ADAMTS16: variants seen among roughly 807,000 people sequenced by gnomAD.
ADAMTS16 encodes the protein ADAM metallopeptidase with thrombospondin type 1 motif 16.
ADAMTS16 carries 94 observed loss-of-function variants against 145.8 expected under a neutral mutation model. The observed-to-expected ratio is 0.64, with a 90% CI of 0.55 to 0.77. The LOEUF (loss-of-function observed/expected upper bound fraction) is 0.77, where lower values mean the gene tolerates loss of function less well. Ranked by LOEUF, ADAMTS16 falls within the 30% of genes least tolerant of loss-of-function variation. ADAMTS16 has a pLI of 0.00. For synonymous variants in ADAMTS16, 659 were observed against 604.3 expected (o/e 1.09, Z -1.33); for missense variants, 1,585 against 1,591.5 (o/e 1.00, Z 0.07).
At chr5:5,276,104 C>CTG (rs375971724) in intron 18 of ADAMTS16, among the ~76,000 whole-genome samples, 3 of 151,506 alleles carry the variant, frequency 2.0e-5, no homozygotes, top group African/African-American at 7.2e-5. Flanking sequence ...GGTGATCCAC[C>CTG]CATCTTGGCC....
At chr5:5,289,323 T>G (rs986739098) in intron 18 of ADAMTS16, among the ~76,000 whole-genome samples, 1 of 152,248 alleles carries the variant, frequency 6.6e-6, no homozygotes, top group Non-Finnish European at 1.5e-5. Context: ...TTTGCTTTCT[T>G]ACTTACTGCA....
intron 11 of ADAMTS16, 70 bp from the exon 12 acceptor site, chr5:5,232,298 G>A: frequency 6.3e-7 from 1 of 1,588,168 alleles, no homozygotes; most frequent in Non-Finnish European, 8.6e-7. Flanking sequence ...CAGCCTTATA[G>A]CAGTGATGAG....
chr5:5,250,200 C>T (rs1206448508), intron 17 of ADAMTS16, among the ~76,000 whole-genome samples: 2 of 152,098 alleles, frequency 1.3e-5, no homozygotes, highest in Non-Finnish European at 2.9e-5. Context: ...GTGGAGCCCT[C>T]ACCAGGAACC....
At chr5:5,250,025 CT>C in intron 17 of ADAMTS16, among the ~76,000 whole-genome samples, 1 of 152,326 alleles carries the variant, frequency 6.6e-6, no homozygotes. Flanking sequence ...CTTTTCTCCT[CT>C]CGATGTTCAC....
At chr5:5,318,021 C>T in intron 21 of ADAMTS16, 113 bp from the exon 22 acceptor site, 14 of 1,190,342 alleles carry the variant, frequency 1.2e-5, no homozygotes, top group Non-Finnish European at 1.5e-5. Context: ...GACTAAGTCG[C>T]TCTTCCCTCA....
Position 5,200,227 on chromosome 5 carries a change from C to G in ADAMTS16, c.1409C>G (p.Ser470Cys), listed in dbSNP as rs766351634. The stretch of plus-strand genomic sequence containing the variant: ...TTGGCAGGACGCAATGGAGTCTTCT[C>G]CTGGTCACCCTGCAGCCGCCAGTAT... ...PTLAGRNGVFSWSPCSRQYLH... is the reference protein window; with the variant it reads ...PTLAGRNGVFCWSPCSRQYLH... The change falls in exon 9 of 23, where the codon TCC (serine) becomes TGC (cysteine). Residue 470 changes from serine to cysteine, a missense_variant. Ser to Cys is a moderately radical substitution (Grantham distance 112). Coordinates refer to ENST00000274181, the MANE Select transcript of ADAMTS16 (RefSeq NM_139056.4). The G allele has an allele frequency of 6.2e-7, 1 of 1,613,260 alleles. No homozygotes were observed. Among genetic ancestry groups the G allele is most frequent in the East Asian group, 2.2e-5 (1 of 44,800 alleles).
chr5:5,231,291 T>C (rs1400375547), intron 11 of ADAMTS16, among the ~76,000 whole-genome samples: 2 of 152,250 alleles, frequency 1.3e-5, no homozygotes, highest in African/African-American at 4.8e-5. Flanking sequence ...AATGGAATTG[T>C]TCTTACTTAA....
At chr5:5,300,847 T>A (rs997245210) in intron 18 of ADAMTS16, among the ~76,000 whole-genome samples, 1 of 152,138 alleles carries the variant, frequency 6.6e-6, no homozygotes, top group Non-Finnish European at 1.5e-5. Context: ...TGTTCAGAAA[T>A]CACGTCCAGC....
intron 3 of ADAMTS16, among the ~76,000 whole-genome samples, chr5:5,155,272 G>C (rs1734572065): frequency 6.6e-6 from 1 of 151,942 alleles, no homozygotes; most frequent in African/African-American, 2.4e-5. Context: ...GGGCTTCCTT[G>C]GCCCACCCAT....
chr5:5,156,976 T>A (rs1734620917), intron 3 of ADAMTS16, among the ~76,000 whole-genome samples: 1 of 152,198 alleles, frequency 6.6e-6, no homozygotes, highest in Non-Finnish European at 1.5e-5. Flanking sequence ...TTGCACTTGC[T>A]CTCCTGTTGA....
intron 17 of ADAMTS16, among the ~76,000 whole-genome samples, chr5:5,251,948 T>C (rs919047685): frequency 2.0e-5 from 3 of 152,024 alleles, no homozygotes; most frequent in African/African-American, 7.2e-5. Context: ...CCTCCCGGGT[T>C]CCCGCCATTC....
chr5:5,192,567 C>G (rs543417865), intron 8 of ADAMTS16, among the ~76,000 whole-genome samples: 1 of 152,228 alleles, frequency 6.6e-6, no homozygotes, highest in Admixed American at 6.5e-5. Flanking sequence ...ACTGATTTGC[C>G]TCCCTTATTC....
At chr5:5,263,881 T>C (rs773324819) in intron 18 of ADAMTS16, among the ~76,000 whole-genome samples, 3 of 152,236 alleles carry the variant, frequency 2.0e-5, no homozygotes, top group Non-Finnish European at 4.4e-5. Flanking sequence ...CGAGCTCTTG[T>C]CCACCATCCA....
At chr5:5,217,362 A>G (rs1259272575) in intron 10 of ADAMTS16, among the ~76,000 whole-genome samples, 2 of 152,216 alleles carry the variant, frequency 1.3e-5, no homozygotes, top group Non-Finnish European at 2.9e-5. Context: ...GGATCTAATT[A>G]AACTAAAGAG....
chr5:5,305,306 A>ACT (rs1740060469), intron 20 of ADAMTS16, among the ~76,000 whole-genome samples: 1 of 37,922 alleles, frequency 2.6e-5, no homozygotes, highest in Non-Finnish European at 5.2e-5. Flanking sequence ...ACACACACAC[A>ACT]TCCCACACCA....
Position 5,247,423 on chromosome 5 carries a change from A to C in ADAMTS16, c.2662+5232A>C, listed in dbSNP as rs534447609. On this transcript the variant is annotated intron_variant, in intron 17 of 22. Coordinates refer to ENST00000274181, the MANE Select transcript of ADAMTS16 (RefSeq NM_139056.4). The stretch of plus-strand genomic sequence containing the variant: ...AGAAAAACAAAGGTTTGTTTCCCAG[A>C]GAGTGGGGTGTATTCCTCAGGGGCC... 2.0e-5 allele frequency among the ~76,000 whole-genome samples: 3 copies of C among 152,244 alleles called. No individual in the cohort carries two copies. The East Asian group carries it at 5.8e-4, about 29-fold the overall frequency.
intron 2 of ADAMTS16, among the ~76,000 whole-genome samples, chr5:5,141,108 T>G (rs940262392): frequency 6.6e-6 from 1 of 152,188 alleles, no homozygotes; most frequent in African/African-American, 2.4e-5. Flanking sequence ...CAAATTACTT[T>G]CTTTTCCGTC....
chr5:5,182,414 A>G (rs1735367706), intron 4 of ADAMTS16, 109 bp downstream of exon 4: 4 of 1,410,592 alleles, frequency 2.8e-6, no homozygotes, highest in Admixed American at 2.4e-5. Flanking sequence ...GGTGAAATCT[A>G]TGGACTGTCG....
At chr5:5,163,657 T>C (rs1333715128) in intron 3 of ADAMTS16, among the ~76,000 whole-genome samples, 1 of 152,232 alleles carries the variant, frequency 6.6e-6, no homozygotes, top group East Asian at 1.9e-4. Flanking sequence ...TTAGTCTGTG[T>C]CAGTGAACTT....
Sources: allele counts gnomAD v4.1 joint callset (sites outside exome capture counted in the v4.1 genomes callset), GRCh38; gene constraint gnomAD v4.1.1; transcripts MANE v1.5; gene names NCBI Gene and HGNC (gene_info 2026-07-23, HGNC 2026-07-21).